Variants in CSMD1 observed in about 807,000 individuals in gnomAD.
The protein encoded by CSMD1 is CUB and sushi domain-containing protein 1.
A neutral mutation model predicts 417.5 loss-of-function variants in CSMD1; 213 were observed. That is an observed-to-expected ratio of 0.51 (90% CI 0.46 to 0.57). CSMD1 has a LOEUF of 0.57. Among genes scored for constraint, CSMD1 ranks in the 20% least tolerant of loss-of-function variants. The probability of loss-of-function intolerance (pLI) is 0.00; values close to 1 mark genes in which losing one functional copy is unlikely to be tolerated. For synonymous variants in CSMD1, 2,862 were observed against 1,736.8 expected (o/e 1.65, Z -16.11); for missense variants, 6,923 against 4,529.7 (o/e 1.53, Z -15.17).
At chr8:4,804,457 G>C (rs1355768151) in intron 1 of CSMD1, among the ~76,000 whole-genome samples, 2 of 147,116 alleles carry the variant, frequency 1.4e-5, no homozygotes, top group Admixed American at 6.9e-5. Context: ...CTTCGGTGTA[G>C]ATTTTTTTTT....
At chr8:4,863,826 A>G (rs73503845) in intron 1 of CSMD1, among the ~76,000 whole-genome samples, 9,712 of 152,154 alleles carry the variant, frequency 0.064, 427 homozygotes, top group African/African-American at 0.11. Flanking sequence ...TCCTTTAGGA[A>G]AAAGAAATGA....
chr8:4,175,839 C>A lies in CSMD1; in HGVS notation c.416-143740G>T, dbSNP rs1350119035. 1.3e-5 allele frequency among the ~76,000 whole-genome samples: 2 copies of A among 152,112 alleles called. 1 individual carries two copies. The highest frequency in any genetic ancestry group is 4.8e-5 in the African/African-American group (2 of 41,400). ...ATAAAAGTATGCAGAGTGAAAGTAACTGGAAAGAAATAACCAAAATGTTAC... is the reference window on the plus strand; with the variant it reads ...ATAAAAGTATGCAGAGTGAAAGTAAATGGAAAGAAATAACCAAAATGTTAC... On this transcript the variant is annotated intron_variant, in intron 3 of 69. Transcript: ENST00000635120.
At chr8:4,911,923 C>A (rs1805702468) in intron 1 of CSMD1, among the ~76,000 whole-genome samples, 1 of 151,840 alleles carries the variant, frequency 6.6e-6, no homozygotes, top group Non-Finnish European at 1.5e-5. Context: ...TTTGTGGCAA[C>A]ATATTTTAGC....
At chr8:3,897,113 G>C (rs931482887) in intron 5 of CSMD1, among the ~76,000 whole-genome samples, 2 of 152,178 alleles carry the variant, frequency 1.3e-5, no homozygotes, top group African/African-American at 2.4e-5. Flanking sequence ...ATTCATGACA[G>C]CACTGAAATC....
At chr8:4,195,870 C>G (rs1003796199) in intron 3 of CSMD1, among the ~76,000 whole-genome samples, 1 of 152,112 alleles carries the variant, frequency 6.6e-6, no homozygotes, top group South Asian at 2.1e-4. Context: ...GCATGCGAGA[C>G]TTACGGCAGA....
At chr8:3,069,720 G>A (rs1212956682) in intron 49 of CSMD1, among the ~76,000 whole-genome samples, 2 of 152,106 alleles carry the variant, frequency 1.3e-5, no homozygotes, top group African/African-American at 2.4e-5. Flanking sequence ...CCATTCTCAG[G>A]GTCTGGAGGG....
chr8:3,487,741 T>C (rs1818139636), intron 11 of CSMD1, among the ~76,000 whole-genome samples: 1 of 152,188 alleles, frequency 6.6e-6, no homozygotes, highest in African/African-American at 2.4e-5. Context: ...TAGCTGTGAA[T>C]GTTTTTAAGA....
intron 1 of CSMD1, among the ~76,000 whole-genome samples, chr8:4,654,419 C>G (rs1049183573): frequency 6.6e-6 from 1 of 152,074 alleles, no homozygotes; most frequent in African/African-American, 2.4e-5. Flanking sequence ...AGAGCAAATT[C>G]TTTGCTTGGT....
chr8:3,837,821 C>T (rs1253177481), intron 5 of CSMD1, among the ~76,000 whole-genome samples: 3 of 152,148 alleles, frequency 2.0e-5, no homozygotes, highest in African/African-American at 7.2e-5. Context: ...GTGCTTCCCT[C>T]TCTATAGTCG....
intron 1 of CSMD1, among the ~76,000 whole-genome samples, chr8:4,742,206 A>AT (rs1356617529): frequency 6.7e-6 from 1 of 149,430 alleles, no homozygotes; most frequent in East Asian, 2.0e-4. Context: ...AATTTTTTGT[A>AT]TTTTTAGTAG....
chr8:3,942,164 G>A (rs1810927399), intron 5 of CSMD1, among the ~76,000 whole-genome samples: 1 of 151,890 alleles, frequency 6.6e-6, no homozygotes, highest in African/African-American at 2.4e-5. Context: ...TCTAGTTGCA[G>A]GAAAACAAGG....
intron 3 of CSMD1, among the ~76,000 whole-genome samples, chr8:4,122,963 T>C (rs894502781): frequency 1.3e-5 from 2 of 152,224 alleles, no homozygotes; most frequent in East Asian, 1.9e-4. Flanking sequence ...GCACTGTGGC[T>C]AGACCTACGG....
chr8:3,154,178 G>T (rs1261780731), intron 39 of CSMD1, among the ~76,000 whole-genome samples: 1 of 152,162 alleles, frequency 6.6e-6, no homozygotes, highest in Non-Finnish European at 1.5e-5. Flanking sequence ...TCACCATGTT[G>T]GTCAGGCTGG....
chr8:4,313,598 T>C (rs1346686677), intron 3 of CSMD1, among the ~76,000 whole-genome samples: 1 of 151,922 alleles, frequency 6.6e-6, no homozygotes. Context: ...ACTGTCAATG[T>C]GGACTGTCTG....
chr8:4,289,848 A>G (rs1797264835), intron 3 of CSMD1, among the ~76,000 whole-genome samples: 2 of 152,226 alleles, frequency 1.3e-5, no homozygotes, highest in African/African-American at 4.8e-5. Flanking sequence ...CTCAGAGTAG[A>G]TATTCAAAGT....
chr8:3,841,489 T>A (rs1803128974), intron 5 of CSMD1, among the ~76,000 whole-genome samples: 1 of 152,170 alleles, frequency 6.6e-6, no homozygotes, highest in Non-Finnish European at 1.5e-5. Flanking sequence ...CATTCCCTTT[T>A]CATTGCTCTT....
intron 41 of CSMD1, among the ~76,000 whole-genome samples, chr8:3,137,643 T>C (rs1371566468): frequency 6.6e-6 from 1 of 152,244 alleles, no homozygotes; most frequent in Non-Finnish European, 1.5e-5. Context: ...CTCTCTTGTA[T>C]ACTTGAAGCC....
chr8:3,126,639 GATAGCATATC>G (rs1178317577), intron 41 of CSMD1, among the ~76,000 whole-genome samples: 1 of 152,158 alleles, frequency 6.6e-6, no homozygotes, highest in Non-Finnish European at 1.5e-5. Flanking sequence ...AAACTTCTGG[GATAGCATATC>G]ACTCTTTCTT....
Position 4,479,480 on chromosome 8 carries a change from G to C in CSMD1, c.303-59415C>G, listed in dbSNP as rs540276614. On this transcript the variant is annotated intron_variant, in intron 2 of 69. Coordinates refer to ENST00000635120, the MANE Select transcript of CSMD1 (RefSeq NM_033225.6). Reference sequence around the variant, plus strand: ...CTTACCATACAACCAAAATAACAAAGACCTTAATGGATTCTCAGTAGTTTC... The same window carrying C: ...CTTACCATACAACCAAAATAACAAACACCTTAATGGATTCTCAGTAGTTTC... Among the ~76,000 whole-genome samples the C allele has an allele frequency of 4.6e-5, 7 of 152,202 alleles. 1 individual carries two copies. In the South Asian group the frequency reaches 8.3e-4, roughly 18 times the overall value.
Sources: gnomAD v4.1 joint callset for allele counts (sites outside exome capture counted in the v4.1 genomes callset) on GRCh38, gnomAD v4.1.1 for gene constraint, MANE v1.5 for transcripts, NCBI Gene and HGNC (gene_info 2026-07-23, HGNC 2026-07-21) for gene names.